Variants in HS3ST5 observed in about 807,000 individuals in gnomAD.
HS3ST5 encodes heparan sulfate glucosamine 3-O-sulfotransferase 5.
In HS3ST5, 10 loss-of-function variants were observed where a neutral mutation model predicts 25.4. The observed-to-expected ratio is 0.39, with a 90% CI of 0.24 to 0.67. The LOEUF is 0.67. HS3ST5 is among the 30% of genes least tolerant of loss of function. HS3ST5 has a pLI of 0.44. For synonymous variants in HS3ST5, 170 were observed against 162.4 expected (o/e 1.05, Z -0.36); for missense variants, 324 against 420.7 (o/e 0.77, Z 2.01).
chr6:114,179,818 A>G (rs1779884824), intron 2 of HS3ST5, among the ~76,000 whole-genome samples: 2 of 152,076 alleles, frequency 1.3e-5, no homozygotes, highest in Admixed American at 6.6e-5. Flanking sequence ...CAAAACCTCA[A>G]AAGCAGGGAA....
At chr6:114,269,585 C>T (rs928651263) in intron 1 of HS3ST5, among the ~76,000 whole-genome samples, 6 of 152,172 alleles carry the variant, frequency 3.9e-5, no homozygotes, top group African/African-American at 1.4e-4. Flanking sequence ...CATATGGCAT[C>T]ATAAGCTCAT....
chr6:114,249,503 T>C (rs1016668647), intron 1 of HS3ST5, among the ~76,000 whole-genome samples: 2 of 152,214 alleles, frequency 1.3e-5, no homozygotes, highest in Non-Finnish European at 2.9e-5. Flanking sequence ...TGCACTGTAA[T>C]GGATGCCCCT....
rs1216308622 is a variant in HS3ST5 at position 114,056,517 on chromosome 6, ATAAAT to A, written c.*735_*739del. Reference sequence around the variant, plus strand: ...TACCACAATAAATTTAATTTTCACAATAAATTAAATAGCCATATTCAGTTTACAAA... The same window carrying A: ...TACCACAATAAATTTAATTTTCACAATAAATAGCCATATTCAGTTTACAAA... On this transcript the variant is annotated 3_prime_UTR_variant, in exon 5 of 5. Transcript: ENST00000312719. The A allele has an allele frequency of 6.6e-6, 1 of 152,198 alleles. No homozygotes were observed. The highest frequency in any genetic ancestry group is 1.5e-5 in the Non-Finnish European group (1 of 68,038). The allele number at this position is 152,198 out of a possible 1,614,324, so 9.4% of individuals were successfully genotyped here. A position where few individuals can be genotyped will look rare whatever the true frequency, so the allele number is the denominator to read the frequency against.
chr6:114,295,468 A>T (rs1017931665), intron 1 of HS3ST5, among the ~76,000 whole-genome samples: 3 of 152,196 alleles, frequency 2.0e-5, no homozygotes, highest in African/African-American at 7.2e-5. Context: ...AACTTGCCAC[A>T]TTTACAGATG....
chr6:114,147,411 T>A (rs1778223225), intron 3 of HS3ST5, among the ~76,000 whole-genome samples: 2 of 152,094 alleles, frequency 1.3e-5, no homozygotes, highest in African/African-American at 2.4e-5. Flanking sequence ...TTTCTGCTCC[T>A]CCATGCATAG....
chr6:114,194,727 CA>C (rs1554218115), intron 2 of HS3ST5, among the ~76,000 whole-genome samples: 1 of 152,190 alleles, frequency 6.6e-6, no homozygotes, highest in Non-Finnish European at 1.5e-5. Context: ...AATTTTAGAA[CA>C]TGGGTCCCAT....
At chr6:114,161,725 T>C (rs112170373) in intron 3 of HS3ST5, among the ~76,000 whole-genome samples, 48 of 150,758 alleles carry the variant, frequency 3.2e-4, no homozygotes, top group African/African-American at 1.1e-3. Flanking sequence ...ACTGGACCCA[T>C]AGGAAGAGAT....
chr6:114,219,671 A>T (rs952202148), intron 2 of HS3ST5, among the ~76,000 whole-genome samples: 2 of 152,156 alleles, frequency 1.3e-5, no homozygotes, highest in African/African-American at 4.8e-5. Flanking sequence ...AAAATAATAA[A>T]CAATTAGTCT....
intron 3 of HS3ST5, among the ~76,000 whole-genome samples, chr6:114,073,040 G>A (rs1267661557): frequency 6.6e-6 from 1 of 152,072 alleles, no homozygotes; most frequent in Non-Finnish European, 1.5e-5. Context: ...ACAAGAAATG[G>A]GGAAAGGATT....
intron 1 of HS3ST5, among the ~76,000 whole-genome samples, chr6:114,274,036 G>T (rs1018426290): frequency 4.6e-5 from 7 of 151,912 alleles, no homozygotes; most frequent in African/African-American, 1.7e-4. Flanking sequence ...CATGAAGAGG[G>T]GAGAACTGGT....
intron 2 of HS3ST5, among the ~76,000 whole-genome samples, chr6:114,169,917 G>A (rs1779397322): frequency 6.6e-6 from 1 of 152,078 alleles, no homozygotes; most frequent in African/African-American, 2.4e-5. Context: ...TGCCCTTTCA[G>A]TCACCAGAGG....
In HS3ST5 at chr6:114,290,810, GT is replaced by G. The variant is rs201047737; in HGVS notation, c.-339+51384del. On this transcript the variant is annotated intron_variant, in intron 1 of 4. Transcript: ENST00000312719. ...AGTTTTAAAAAATAAAAAGGAGATGGTTTTATGTACAAGAGTTGTGTTACTA... is the reference window on the plus strand; with the variant it reads ...AGTTTTAAAAAATAAAAAGGAGATGGTTTATGTACAAGAGTTGTGTTACTA... 6.0e-3 allele frequency among the ~76,000 whole-genome samples: 908 copies of G among 151,690 alleles called. 14 individuals are homozygous for G. The highest frequency in any genetic ancestry group is 0.021 in the African/African-American group (849 of 41,368).
At chr6:114,283,101 A>C (rs945190702) in intron 1 of HS3ST5, among the ~76,000 whole-genome samples, 1 of 151,976 alleles carries the variant, frequency 6.6e-6, no homozygotes, top group Non-Finnish European at 1.5e-5. Context: ...GGCAGGAAAA[A>C]ATAAAAGAAT....
chr6:114,136,769 T>G (rs1357117134), intron 3 of HS3ST5, among the ~76,000 whole-genome samples: 1 of 152,234 alleles, frequency 6.6e-6, no homozygotes, highest in Non-Finnish European at 1.5e-5. Context: ...TTGTGGAATA[T>G]TCATTCATTT....
intron 1 of HS3ST5, chr6:114,251,860 G>A (rs1453906455): frequency 2.6e-5 from 4 of 152,232 alleles, no homozygotes. Context: ...TGTATCAAGA[G>A]TAGTCTGATG....
Position 114,161,521 on chromosome 6 carries a change from TTATATATATATATATATATATATA to T in HS3ST5, c.-33+6806_-33+6829del, listed in dbSNP as rs59921019. On this transcript the variant is annotated intron_variant, in intron 3 of 4. Transcript: ENST00000312719. The stretch of plus-strand genomic sequence containing the variant: ...AAAACGACAGTTGCTTCCTGAAGTT[TTATATATATATATATATATATATA>T]TATATATATATATATATATATATAT... Among the ~76,000 whole-genome samples the T allele has an allele frequency of 6.5e-3, 218 of 33,550 alleles. 3 individuals carry two copies. Among genetic ancestry groups the T allele is most frequent in the Middle Eastern group, 0.02 (1 of 50 alleles). The allele number at this position is 33,550 out of a possible 152,430, so 22.0% of individuals were successfully genotyped here.
At chr6:114,197,699 T>C (rs1267985097) in intron 2 of HS3ST5, among the ~76,000 whole-genome samples, 1 of 152,150 alleles carries the variant, frequency 6.6e-6, no homozygotes, top group African/African-American at 2.4e-5. Context: ...ACTCAAGATT[T>C]AGCTTCCACT....
At chr6:114,281,916 T>C (rs927888164) in intron 1 of HS3ST5, 2 of 151,924 alleles carry the variant, frequency 1.3e-5, no homozygotes, top group Non-Finnish European at 2.9e-5. Context: ...AATAAGCACC[T>C]TTTACAAAAA....
chr6:114,219,887 G>A (rs951402034), intron 2 of HS3ST5, among the ~76,000 whole-genome samples: 11 of 152,026 alleles, frequency 7.2e-5, no homozygotes, highest in African/African-American at 2.7e-4. Context: ...CAAAGTAAAA[G>A]CTGGTTGAAT....
Sources: allele counts gnomAD v4.1 joint callset (sites outside exome capture counted in the v4.1 genomes callset), GRCh38; gene constraint gnomAD v4.1.1; transcripts MANE v1.5; gene names NCBI Gene and HGNC (gene_info 2026-07-23, HGNC 2026-07-21).